TSKU: variants seen among roughly 807,000 people sequenced by gnomAD.
The protein encoded by TSKU is tsukushi, small leucine rich proteoglycan, also known as tsukushi.
A neutral mutation model predicts 11.2 loss-of-function variants in TSKU; 4 were observed. The observed-to-expected ratio is 0.36, with a 90% confidence interval of 0.18 to 0.82. The LOEUF is 0.82. Among genes scored for constraint, TSKU ranks in the 40% least tolerant of loss-of-function variants. The probability of loss-of-function intolerance (pLI) is 0.50; values close to 1 mark genes in which losing one functional copy is unlikely to be tolerated. For missense variants in TSKU, 407 were observed against 482.5 expected (o/e 0.84, Z 1.47); for synonymous variants, 220 against 232.2 (o/e 0.95, Z 0.48).
In TSKU at chr11:76,796,650, C is replaced by G; in HGVS notation, c.1034C>G (p.Ser345Cys). The part of the protein sequence containing the change: ...VALHCVDTRD[S>C]AARGPTIL ...CTGCACTGCGTAGACACCCGGGATT[C>G]TGCTGCCAGGGGCCCCACCATCTTG... The change falls in exon 2 of 2, where the codon TCT becomes TGT. Residue 345 changes from serine to cysteine, a missense_variant. By Grantham distance (112) the Ser-to-Cys change is moderately radical. Coordinates refer to ENST00000333090, the MANE Select transcript of TSKU (RefSeq NM_015516.4). This position sits in a 1 kb window ranked among gnomAD's most constrained non-coding sequence, Gnocchi z 4.1. 2 of 1,450,300 alleles carry G rather than the reference C, an allele frequency of 1.4e-6. No individual in the cohort carries two copies. The highest frequency in any genetic ancestry group is 9.1e-7 in the Non-Finnish European group (1 of 1,097,534). The allele number at this position is 1,450,300 out of a possible 1,614,324, so 89.8% of individuals were successfully genotyped here.
At position 76,795,608 on chromosome 11, in the gene TSKU, G is replaced by T. The variant is rs1379546728; in HGVS notation, c.-8-1G>T. The T allele has an allele frequency of 1.2e-6, 2 of 1,606,900 alleles. No individual in the cohort carries two copies. Among genetic ancestry groups the T allele is most frequent in the Non-Finnish European group, 1.7e-6 (2 of 1,179,264 alleles). ...TTCCTCACCTGTGGCTCTCTTTCTA[G>T]CCCCCACCATGCCGTGGCCCCTGCT... On this transcript the variant is annotated splice_acceptor_variant, in intron 1 of 1. Transcript: ENST00000333090. LOFTEE classifies it low-confidence loss of function (5UTR_SPLICE).
chr11:76,794,598 A>G (rs541745261), intron 1 of TSKU, among the ~76,000 whole-genome samples: 2 of 152,364 alleles, frequency 1.3e-5, no homozygotes, highest in East Asian at 1.9e-4. Flanking sequence ...CTTCATCTGT[A>G]TAATGGGGGA....
chr11:76,784,349 G>GA (rs3837384), intron 1 of TSKU: 20,746 of 152,400 alleles, frequency 0.14, 1,898 homozygotes, highest in East Asian at 0.4. Flanking sequence ...GGGGTAGGGG[G>GA]CCAACCCTCG....
chr11:76,795,577 C>A, intron 1 of TSKU, 32 bp from the exon 2 acceptor site: 1 of 1,588,468 alleles, frequency 6.3e-7, no homozygotes, highest in East Asian at 2.2e-5. Context: ...CCATCTGGTG[C>A]ATTCATTCCT....
chr11:76,786,407 TG>T (rs1309250062), intron 1 of TSKU, among the ~76,000 whole-genome samples: 1 of 152,186 alleles, frequency 6.6e-6, no homozygotes, highest in Non-Finnish European at 1.5e-5. Context: ...GAGAGTTTGC[TG>T]GTAGACAAAG....
intron 1 of TSKU, among the ~76,000 whole-genome samples, chr11:76,795,318 CT>C (rs1944424652): frequency 6.6e-6 from 1 of 152,242 alleles, no homozygotes; most frequent in Non-Finnish European, 1.5e-5. Context: ...TCAGGTCCCC[CT>C]CACTTCAGCC....
In TSKU at chr11:76,796,911, G is replaced by A; in HGVS notation, c.*233G>A. 5.1e-6 allele frequency: 2 copies of A among 392,810 alleles called. No homozygotes were observed. Among genetic ancestry groups the A allele is most frequent in the Non-Finnish European group, 9.4e-6 (2 of 212,848 alleles). The allele number at this position is 392,810 out of a possible 1,614,324, so 24.3% of individuals were successfully genotyped here. On this transcript the variant is annotated 3_prime_UTR_variant, in exon 2 of 2. Transcript: ENST00000333090. This position sits in a 1 kb window ranked among gnomAD's most constrained non-coding sequence, Gnocchi z 4.1. ...CCCAAACCATGAGCAGAGGGACTTC[G>A]ATGCCAAACCAGACTCGGGTCCCCT...
intron 1 of TSKU, among the ~76,000 whole-genome samples, chr11:76,794,450 C>T (rs536873919): frequency 2.0e-5 from 3 of 152,344 alleles, no homozygotes; most frequent in Admixed American, 6.5e-5. Context: ...CCCTGCCTCT[C>T]CACCAGCTAC....
rs773349047 is a variant in TSKU, at chr11:76,796,295, G to C, written c.679G>C (p.Gly227Arg). 7 of 1,613,214 alleles carry C rather than the reference G, an allele frequency of 4.3e-6. No homozygotes were observed. The Admixed American group carries it at 1.2e-4, about 27-fold the overall frequency. The change falls in exon 2 of 2, where the codon GGG becomes CGG. Residue 227 changes from glycine to arginine, a missense_variant. Physicochemically the swap from Gly to Arg is moderately radical, Grantham distance 125. Transcript: ENST00000333090. The surrounding 1 kb of genome is among the most constrained non-coding windows in gnomAD (Gnocchi z 4.1). ...TGTCATTGGTCCGGGTGCCTTCGCGGGGCTGGGAGGCCTTACACACCTGTC... is the reference window on the plus strand; with the variant it reads ...TGTCATTGGTCCGGGTGCCTTCGCGCGGCTGGGAGGCCTTACACACCTGTC... ...LAVIGPGAFA[G>R]LGGLTHLSLA...
chr11:76,796,115 A>T lies in TSKU; in HGVS notation c.499A>T (p.Asn167Tyr). Residue 167 changes from asparagine to tyrosine, a missense_variant, in exon 2 of 2, where the codon AAC (asparagine) becomes TAC (tyrosine). By Grantham distance (143) the Asn-to-Tyr change is moderately radical. Coordinates refer to ENST00000333090, the MANE Select transcript of TSKU (RefSeq NM_015516.4). The surrounding 1 kb of genome is among the most constrained non-coding windows in gnomAD (Gnocchi z 4.1). Reference protein sequence around the residue: ...GRALHVDLSHNLIHRLVPHPT... With the variant: ...GRALHVDLSHYLIHRLVPHPT... The stretch of plus-strand genomic sequence containing the variant: ...GGCACTACACGTGGACCTCTCCCAC[A>T]ACCTCATTCACCGCCTCGTGCCCCA... 1 of 1,613,806 alleles carries T rather than the reference A, an allele frequency of 6.2e-7. No individual in the cohort carries two copies. Among genetic ancestry groups the T allele is most frequent in the Non-Finnish European group, 8.5e-7 (1 of 1,179,954 alleles).
At chr11:76,789,903 C>G (rs368056260) in intron 1 of TSKU, among the ~76,000 whole-genome samples, 1 of 152,094 alleles carries the variant, frequency 6.6e-6, no homozygotes, top group South Asian at 2.1e-4. Flanking sequence ...ACACCTGGGA[C>G]TAGAGCCCCA....
intron 1 of TSKU, among the ~76,000 whole-genome samples, chr11:76,789,328 C>T (rs562454105): frequency 1.3e-5 from 2 of 152,170 alleles, no homozygotes; most frequent in African/African-American, 2.4e-5. Flanking sequence ...ACAGGTGCCT[C>T]GTGCATGGGA....
chr11:76,793,773 A>T lies in TSKU; in HGVS notation c.-8-1836A>T, dbSNP rs140355611. 5.8e-4 allele frequency among the ~76,000 whole-genome samples: 88 copies of T among 152,098 alleles called. No homozygotes were observed. In the East Asian group the frequency reaches 0.017, roughly 29 times the overall value. ...CCAGGATGCACCTGGGCTGGATTTA[A>T]TCCTGAAATTGGCCTCTACAAAAGA... On this transcript the variant is annotated intron_variant, in intron 1 of 1. Coordinates refer to ENST00000333090, the MANE Select transcript of TSKU (RefSeq NM_015516.4).
At position 76,796,799 on chromosome 11, in the gene TSKU, AC is replaced by A; in HGVS notation, c.*123del. On this transcript the variant is annotated 3_prime_UTR_variant, in exon 2 of 2. Coordinates refer to ENST00000333090, the MANE Select transcript of TSKU (RefSeq NM_015516.4). This position sits in a 1 kb window ranked among gnomAD's most constrained non-coding sequence, Gnocchi z 4.1. ...GCCCGCAGGCCTATGTGGCAGCGTC[AC>A]CACAGGAGTTGTGGGCCTAGGAGAG... The A allele has an allele frequency of 1.4e-6, 1 of 734,608 alleles. No homozygotes were observed. Among genetic ancestry groups the A allele is most frequent in the Non-Finnish European group, 2.0e-6 (1 of 499,202 alleles). 45.5% of individuals were successfully genotyped at this position (734,608 alleles called of 1,614,324 possible).
chr11:76,782,390 A>C (rs1202641140), upstream of TSKU: 3 of 151,854 alleles, frequency 2.0e-5, no homozygotes, highest in Non-Finnish European at 4.4e-5. Flanking sequence ...CCAAGACCAA[A>C]GCCTCTATCA....
chr11:76,796,005 G>T lies in TSKU; in HGVS notation c.389G>T (p.Ser130Ile), dbSNP rs769203769. Residue 130 changes from serine to isoleucine, a missense_variant, in exon 2 of 2, where the codon AGC becomes ATC. Coordinates refer to ENST00000333090, the MANE Select transcript of TSKU (RefSeq NM_015516.4). This position sits in a 1 kb window ranked among gnomAD's most constrained non-coding sequence, Gnocchi z 4.1. ...LTALPAESFT[S>I]SPLSDVNLSH... ...GCCCTGCCAGCCGAGAGCTTCACCA[G>T]CTCACCCCTGAGCGACGTGAACCTT... 1.9e-6 allele frequency: 3 copies of T among 1,613,902 alleles called. No individual in the cohort carries two copies. Among genetic ancestry groups the T allele is most frequent in the Middle Eastern group, 1.6e-4 (1 of 6,062 alleles).
rs770929048 is a variant in TSKU at position 76,796,381 on chromosome 11, C to A, written c.765C>A (p.Gly255=). 6.2e-7 allele frequency: 1 copy of A among 1,613,374 alleles called. No individual in the cohort carries two copies. Among genetic ancestry groups the A allele is most frequent in the Non-Finnish European group, 8.5e-7 (1 of 1,179,980 alleles). ...CCAGTGGCTTCCGTGAGCTACCGGG[C>A]CTGCAGGTCCTGGACCTGTCGGGCA... The part of the protein sequence containing the change: ...LAPSGFRELP[G]LQVLDLSGNP... Residue 255 remains glycine, a synonymous_variant, in exon 2 of 2, where the codon GGC becomes GGA. Transcript: ENST00000333090. The surrounding 1 kb of genome is among the most constrained non-coding windows in gnomAD (Gnocchi z 4.1).
rs775951692 is a variant in TSKU, at chr11:76,795,907, C to A, written c.291C>A (p.Thr97=). 6.2e-7 allele frequency: 1 copy of A among 1,613,840 alleles called. No homozygotes were observed. The highest frequency in any genetic ancestry group is 1.1e-5 in the South Asian group (1 of 91,092). Residue 97 remains threonine, a synonymous_variant, in exon 2 of 2, where the codon ACC becomes ACA. Transcript: ENST00000333090. ...TGGATCTCAGCCACAACCTGCTCACCAGCATCTCACCCACTGCCTTCTCCC... is the reference window on the plus strand; with the variant it reads ...TGGATCTCAGCCACAACCTGCTCACAAGCATCTCACCCACTGCCTTCTCCC... ...AGLDLSHNLL[T]SISPTAFSRL...
intron 1 of TSKU, among the ~76,000 whole-genome samples, chr11:76,786,650 CAG>C (rs1944315353): frequency 6.6e-6 from 1 of 152,122 alleles, no homozygotes; most frequent in Non-Finnish European, 1.5e-5. Context: ...CTGACCTGGA[CAG>C]GGGGAGGTGA....
Sources: gnomAD v4.1 joint callset for allele counts (sites outside exome capture counted in the v4.1 genomes callset) on GRCh38, gnomAD v4.1.1 for gene constraint, Gnocchi (gnomAD v3.1) non-coding constraint, MANE v1.5 for transcripts, NCBI Gene and HGNC (gene_info 2026-07-23, HGNC 2026-07-21) for gene names.